Variants in ATP2B2 observed in about 807,000 individuals in gnomAD.
ATP2B2 encodes plasma membrane calcium-transporting ATPase 2.
In ATP2B2, 15 loss-of-function variants were observed where a neutral mutation model predicts 120.0. The ratio of observed to expected loss-of-function variants is 0.12; its 90% CI spans 0.08 to 0.19. The LOEUF is 0.19. Among genes scored for constraint, ATP2B2 ranks in the 10% least tolerant of loss-of-function variants. The pLI, the probability that ATP2B2 is intolerant of heterozygous loss-of-function variation, is 1.00. For missense variants in ATP2B2, 1,045 were observed against 1,719.8 expected (o/e 0.61, Z 6.94); for synonymous variants, 694 against 700.3 (o/e 0.99, Z 0.14).
intron 2 of ATP2B2, among the ~76,000 whole-genome samples, chr3:10,599,572 G>A (rs2068850240): frequency 6.6e-6 from 1 of 152,098 alleles, no homozygotes; most frequent in South Asian, 2.1e-4. Flanking sequence ...GCCCGCCACC[G>A]AATCTGACAG....
intron 2 of ATP2B2, among the ~76,000 whole-genome samples, chr3:10,571,866 C>T (rs191587059): frequency 3.0e-4 from 46 of 152,328 alleles, no homozygotes; most frequent in Admixed American, 2.2e-3. Flanking sequence ...ATCTCTAAAA[C>T]GGAGCTCTGG....
intron 3 of ATP2B2, among the ~76,000 whole-genome samples, chr3:10,409,351 T>A (rs571880228): frequency 1.9e-4 from 29 of 152,336 alleles, no homozygotes; most frequent in African/African-American, 6.3e-4. Flanking sequence ...TTTTAGTTTT[T>A]AATTTTATTT....
At chr3:10,594,883 TA>T (rs1460906520) in intron 2 of ATP2B2, among the ~76,000 whole-genome samples, 2 of 152,208 alleles carry the variant, frequency 1.3e-5, no homozygotes, top group African/African-American at 4.8e-5. Context: ...AATGGAGGCG[TA>T]AGCGGTTAAG....
intron 1 of ATP2B2, among the ~76,000 whole-genome samples, chr3:10,691,030 CAA>C (rs1012830572): frequency 1.3e-5 from 2 of 152,170 alleles, no homozygotes; most frequent in African/African-American, 4.8e-5. Flanking sequence ...AGGCACTTTC[CAA>C]AAGCCTACTC....
intron 2 of ATP2B2, among the ~76,000 whole-genome samples, chr3:10,552,407 A>G (rs1186119894): frequency 6.6e-6 from 1 of 152,242 alleles, no homozygotes; most frequent in Non-Finnish European, 1.5e-5. Flanking sequence ...CCTTCCGCCC[A>G]AAGTGAGTGC....
At chr3:10,531,228 CCTGCCCCAAAAGTAGTG>C (rs1559443012) in intron 3 of ATP2B2, among the ~76,000 whole-genome samples, 6 of 152,216 alleles carry the variant, frequency 3.9e-5, no homozygotes, top group Non-Finnish European at 8.8e-5. Flanking sequence ...TCAGCCCAGG[CCTGCCCCAAAAGTAGTG>C]CTGCTGAATG....
intron 1 of ATP2B2, among the ~76,000 whole-genome samples, chr3:10,488,331 A>T (rs2125351932): frequency 6.8e-6 from 1 of 147,134 alleles, no homozygotes; most frequent in South Asian, 2.2e-4. Flanking sequence ...AAATCCATCC[A>T]TCCATCCATC....
intron 2 of ATP2B2, among the ~76,000 whole-genome samples, chr3:10,445,760 G>A (rs770548884): frequency 1.3e-5 from 2 of 152,236 alleles, no homozygotes; most frequent in Non-Finnish European, 2.9e-5. Flanking sequence ...GTGACTCAGA[G>A]GCCAGCTCCC....
At chr3:10,486,867 G>A (rs182593204) in intron 1 of ATP2B2, among the ~76,000 whole-genome samples, 12 of 151,984 alleles carry the variant, frequency 7.9e-5, no homozygotes, top group East Asian at 5.8e-4. Context: ...CTACAGGTGC[G>A]AGCCACCACA....
intron 2 of ATP2B2, among the ~76,000 whole-genome samples, chr3:10,535,169 G>C (rs1330840468): frequency 6.6e-6 from 1 of 151,984 alleles, no homozygotes; most frequent in Non-Finnish European, 1.5e-5. Flanking sequence ...CTCCCAAAGT[G>C]CTAGGATTAC....
At chr3:10,505,074 C>T (rs971017647) in intron 1 of ATP2B2, among the ~76,000 whole-genome samples, 3 of 152,174 alleles carry the variant, frequency 2.0e-5, no homozygotes, top group Non-Finnish European at 4.4e-5. Flanking sequence ...GAGAAGAGAA[C>T]CTTGTCCCCT....
chr3:10,410,040 CA>C (rs2062554031), intron 3 of ATP2B2, among the ~76,000 whole-genome samples: 3 of 152,192 alleles, frequency 2.0e-5, no homozygotes, highest in Non-Finnish European at 1.5e-5. Flanking sequence ...TGGGGCCTGA[CA>C]ACGATGTTTT....
At chr3:10,704,854 T>C (rs923956619) in intron 1 of ATP2B2, among the ~76,000 whole-genome samples, 3 of 152,174 alleles carry the variant, frequency 2.0e-5, no homozygotes, top group African/African-American at 7.2e-5. Context: ...ACAAAGAAGA[T>C]GGAAGGGAGG....
chr3:10,566,462 G>C (rs4234501), intron 2 of ATP2B2: 3 of 152,246 alleles, frequency 2.0e-5, no homozygotes, highest in African/African-American at 7.2e-5. Context: ...AAAGGCATAT[G>C]ATGCCCCAAC....
At chr3:10,491,449 T>C (rs1396594485) in intron 1 of ATP2B2, among the ~76,000 whole-genome samples, 1 of 152,094 alleles carries the variant, frequency 6.6e-6, no homozygotes, top group East Asian at 1.9e-4. Context: ...TGGTATGGAA[T>C]TCCTGACCCC....
At chr3:10,620,109 CAA>C (rs1166917706) in intron 1 of ATP2B2, 1 of 152,316 alleles carries the variant, frequency 6.6e-6, no homozygotes, top group East Asian at 1.9e-4. Flanking sequence ...GGATTTCATG[CAA>C]AGTCAGGCTT....
At chr3:10,371,526 G>GA (rs2061241903) in intron 12 of ATP2B2, among the ~76,000 whole-genome samples, 1 of 152,220 alleles carries the variant, frequency 6.6e-6, no homozygotes, top group South Asian at 2.1e-4. Flanking sequence ...TGCAGCAAAA[G>GA]CACACTAATG....
At position 10,332,056 on chromosome 3, in the gene ATP2B2, G is replaced by A. The variant is rs904824909; in HGVS notation, c.3421-2931C>T. 44 of 1,548,908 alleles carry A rather than the reference G, an allele frequency of 2.8e-5. 1 individual carries two copies. The South Asian group carries it at 5.0e-4, about 18-fold the overall frequency. ...TAGCCCTCTAGGGAAACAAACACAT[G>A]GAATATTCAGACAGTGGAGAGGTCT... On this transcript the variant is annotated intron_variant, in intron 22 of 22. Transcript: ENST00000360273.
At chr3:10,538,304 G>A (rs2067361844) in intron 2 of ATP2B2, among the ~76,000 whole-genome samples, 2 of 152,182 alleles carry the variant, frequency 1.3e-5, no homozygotes, top group African/African-American at 4.8e-5. Context: ...GGTACAAAGA[G>A]GAGCTGGTAC....
Sources: allele counts gnomAD v4.1 joint callset (sites outside exome capture counted in the v4.1 genomes callset), GRCh38; gene constraint gnomAD v4.1.1; transcripts MANE v1.5; gene names NCBI Gene and HGNC (gene_info 2026-07-23, HGNC 2026-07-21).